CCT6A: variants seen among roughly 807,000 people sequenced by gnomAD.
CCT6A encodes the protein chaperonin containing TCP1 subunit 6A.
A neutral mutation model predicts 58.6 loss-of-function variants in CCT6A; 6 were observed. The observed-to-expected ratio is 0.10, with a 90% CI of 0.06 to 0.20. The LOEUF (loss-of-function observed/expected upper bound fraction) is 0.20, where lower values mean the gene tolerates loss of function less well. CCT6A is among the 10% of genes least tolerant of loss of function. The probability of loss-of-function intolerance (pLI) is 1.00; values close to 1 mark genes in which losing one functional copy is unlikely to be tolerated. For missense variants in CCT6A, 516 were observed against 648.8 expected (o/e 0.80, Z 2.22); for synonymous variants, 245 against 227.8 (o/e 1.08, Z -0.68).
intron 3 of CCT6A, chr7:56,055,270 A>G: frequency 3.6e-6 from 1 of 278,774 alleles, no homozygotes; most frequent in South Asian, 4.7e-5. Context: ...GCGAAACTCC[A>G]TCTCAAAAAA....
chr7:56,055,482 AT>A, intron 3 of CCT6A, 141 bp from the exon 4 acceptor site: 1 of 744,572 alleles, frequency 1.3e-6, no homozygotes, highest in Non-Finnish European at 2.3e-6. Context: ...TTTTAAATGT[AT>A]TCAGAAAGCC....
rs751056969 is a variant in CCT6A at position 56,060,907 on chromosome 7, A to C, written c.1314A>C (p.Gln438His). ...SVKGRAQLGV[Q>H]AFADALLIIP... is the part of the protein sequence containing the mutation. ...AGGGCAGGGCACAGCTTGGAGTCCA[A>C]GCATTTGCTGATGCATTGCTCATTA... The change falls in exon 11 of 14, where the codon CAA becomes CAC. Residue 438 changes from glutamine (Q) to histidine (H), a missense_variant. Coordinates refer to ENST00000275603, the MANE Select transcript of CCT6A (RefSeq NM_001762.4). 1 of 1,612,690 alleles carries C rather than the reference A, an allele frequency of 6.2e-7. No individual in the cohort carries two copies. The highest frequency in any genetic ancestry group is 1.1e-5 in the South Asian group (1 of 90,574).
chr7:56,053,715 G>A (rs1012059814), intron 2 of CCT6A, among the ~76,000 whole-genome samples: 2 of 152,158 alleles, frequency 1.3e-5, no homozygotes, highest in African/African-American at 4.8e-5. Context: ...CCAAGATTGT[G>A]CCACTGCATT....
chr7:56,055,565 A>G (rs1430308577), intron 3 of CCT6A, 59 bp from the exon 4 acceptor site: 3 of 1,400,472 alleles, frequency 2.1e-6, no homozygotes, highest in African/African-American at 1.4e-5. Flanking sequence ...CCTGAACTTT[A>G]TCATGAACTA....
At position 56,055,700 on chromosome 7, in the gene CCT6A, A is replaced by G. The variant is rs1484407971; in HGVS notation, c.413A>G (p.Lys138Arg). 2 of 1,613,774 alleles carry G rather than the reference A, an allele frequency of 1.2e-6. No individual in the cohort carries two copies. The highest frequency in any genetic ancestry group is 2.7e-5 in the African/African-American group (2 of 75,048). ...GCCCTTCAGTTTTTGGAAGAAGTCA[A>G]AGTAAGCAGAGAGATGGACAGGGAA... is the stretch of plus-strand genomic sequence containing the variant. Reference protein sequence around the residue: ...EKALQFLEEVKVSREMDRETL... With the variant: ...EKALQFLEEVRVSREMDRETL... The change falls in exon 4 of 14, where the codon AAA becomes AGA. Residue 138 changes from lysine (K) to arginine (R), a missense_variant. Physicochemically the swap from Lys to Arg is conservative, Grantham distance 26 (BLOSUM62 2). Coordinates refer to ENST00000275603, the MANE Select transcript of CCT6A (RefSeq NM_001762.4).
chr7:56,060,925 G>A lies in CCT6A; in HGVS notation c.1332G>A (p.Leu444=). 6.2e-7 allele frequency: 1 copy of A among 1,610,622 alleles called. No homozygotes were observed. ...QLGVQAFADA[L]LIIPKVLAQN... ...GAGTCCAAGCATTTGCTGATGCATTGCTCATTATTCCCAAGGTGTGCATGC... is the reference window on the plus strand; with the variant it reads ...GAGTCCAAGCATTTGCTGATGCATTACTCATTATTCCCAAGGTGTGCATGC... Residue 444 remains leucine (L), a synonymous_variant, in exon 11 of 14, where the codon TTG becomes TTA. Transcript: ENST00000275603.
In CCT6A at chr7:56,055,757, G is replaced by C; in HGVS notation, c.470G>C (p.Arg157Pro). 1 of 1,613,744 alleles carries C rather than the reference G, an allele frequency of 6.2e-7. No individual in the cohort carries two copies. The highest frequency in any genetic ancestry group is 8.5e-7 in the Non-Finnish European group (1 of 1,179,730). ...ATAGATGTGGCCAGAACATCTCTTC[G>C]TACTAAAGTTCATGCTGAACTTGCA... ...TLIDVARTSL[R>P]TKVHAELADV... is the part of the protein sequence containing the mutation. The change falls in exon 4 of 14, where the codon CGT becomes CCT. Residue 157 changes from arginine (R) to proline (P), a missense_variant. By Grantham distance (103) the Arg-to-Pro change is moderately radical. Coordinates refer to ENST00000275603, the MANE Select transcript of CCT6A (RefSeq NM_001762.4).
chr7:56,060,566 T>C (rs759987071), intron 10 of CCT6A, 150 bp downstream of exon 10: 2 of 960,014 alleles, frequency 2.1e-6, no homozygotes, highest in Non-Finnish European at 3.4e-6. Flanking sequence ...ATGCTAAGGT[T>C]TTTCATAGCA....
chr7:56,053,626 C>G (rs138748600), intron 2 of CCT6A, among the ~76,000 whole-genome samples: 1 of 152,044 alleles, frequency 6.6e-6, no homozygotes, highest in Non-Finnish European at 1.5e-5. Context: ...TGGTCCTGCA[C>G]GCCTGTAGTC....
chr7:56,056,650 A>C (rs1794312824), intron 5 of CCT6A, among the ~76,000 whole-genome samples: 1 of 151,590 alleles, frequency 6.6e-6, no homozygotes, highest in South Asian at 2.1e-4. Flanking sequence ...TGAACCTGGG[A>C]GGCGGAGGTT....
rs1207042559 is a variant in CCT6A, at chr7:56,063,368, T to TA, written c.*284dup. On this transcript the variant is annotated 3_prime_UTR_variant, in exon 14 of 14. Transcript: ENST00000275603. Reference sequence around the variant, plus strand: ...AATTCCATGTTAGATAAGCATATGTTACTTACCTTGTTATTAAATATTTCT... The same window carrying TA: ...AATTCCATGTTAGATAAGCATATGTTAACTTACCTTGTTATTAAATATTTCT... 1 of 377,654 alleles carries TA rather than the reference T, an allele frequency of 2.6e-6. No individual in the cohort carries two copies. Among genetic ancestry groups the TA allele is most frequent in the Non-Finnish European group, 4.8e-6 (1 of 209,630 alleles). 23.4% of individuals were successfully genotyped at this position (377,654 alleles called of 1,614,324 possible).
rs1283153822 is a variant in CCT6A, at chr7:56,052,436, C to T, written c.152C>T (p.Ala51Val). ...KGTMKMLVSG[A>V]GDIKLTKDGN... ...CCTTTAAACAGGCTCGTTTCTGGCGCTGGAGACATCAAACTTACTAAAGAC... is the reference window on the plus strand; with the variant it reads ...CCTTTAAACAGGCTCGTTTCTGGCGTTGGAGACATCAAACTTACTAAAGAC... The change falls in exon 2 of 14, where the codon GCT (alanine) becomes GTT (valine). Residue 51 changes from alanine (A) to valine (V), a missense_variant. This residue lies in a region of CCT6A where 116 missense variants were observed against 184.5 expected (regional missense o/e 0.63). Coordinates refer to ENST00000275603, the MANE Select transcript of CCT6A (RefSeq NM_001762.4). 11 of 1,613,986 alleles carry T rather than the reference C, an allele frequency of 6.8e-6. No homozygotes were observed. Among genetic ancestry groups the T allele is most frequent in the Non-Finnish European group, 9.3e-6 (11 of 1,179,840 alleles).
At chr7:56,052,876 C>T (rs1794197531) in intron 2 of CCT6A, among the ~76,000 whole-genome samples, 1 of 151,910 alleles carries the variant, frequency 6.6e-6, no homozygotes, top group Non-Finnish European at 1.5e-5. Context: ...TCACTGCAAC[C>T]TCTCCCTCCC....
At chr7:56,053,950 CT>C (rs375564184) in intron 2 of CCT6A, among the ~76,000 whole-genome samples, 28 of 152,330 alleles carry the variant, frequency 1.8e-4, no homozygotes, top group African/African-American at 6.7e-4. Flanking sequence ...CTCCAGAAGT[CT>C]GTTTTTCAGT....
At position 56,063,550 on chromosome 7, in the gene CCT6A, G is replaced by GT; in HGVS notation, c.*466dup. 1 of 172,866 alleles carries GT rather than the reference G, an allele frequency of 5.8e-6. No individual in the cohort carries two copies. Among genetic ancestry groups the GT allele is most frequent in the Non-Finnish European group, 1.2e-5 (1 of 80,540 alleles). The allele number at this position is 172,866 out of a possible 1,614,324, so 10.7% of individuals were successfully genotyped here. A position where few individuals can be genotyped will look rare whatever the true frequency, so the allele number is the denominator to read the frequency against. On this transcript the variant is annotated 3_prime_UTR_variant, in exon 14 of 14. Transcript: ENST00000275603. The stretch of plus-strand genomic sequence containing the variant: ...CATCCCTGTTGGTATAAATTTCTGA[G>GT]TAAATGCATTGGATCAGTTGGACTT...
chr7:56,057,969 A>G lies in CCT6A; in HGVS notation c.615-24A>G, dbSNP rs1199699550. ...AATACCCATCTGAAAATCAATAACC[A>G]TAATTTTGTGTGTGTTTAAACAGCT... On this transcript the variant is annotated intron_variant, in intron 5 of 13. Transcript: ENST00000275603. 7.1e-6 allele frequency: 9 copies of G among 1,263,648 alleles called. No individual in the cohort carries two copies. In the East Asian group the frequency reaches 1.4e-4, roughly 20 times the overall value. The allele number at this position is 1,263,648 out of a possible 1,614,324, so 78.3% of individuals were successfully genotyped here.
At chr7:56,053,017 C>T (rs192415254) in intron 2 of CCT6A, among the ~76,000 whole-genome samples, 2 of 152,238 alleles carry the variant, frequency 1.3e-5, no homozygotes, top group South Asian at 2.1e-4. Flanking sequence ...TGGTCTTGAA[C>T]GCCTGACTTC....
chr7:56,059,822 G>T, intron 9 of CCT6A, 182 bp downstream of exon 9: 1 of 537,914 alleles, frequency 1.9e-6, no homozygotes, highest in South Asian at 2.4e-5. Flanking sequence ...CTGAGCAGGT[G>T]GGACCACAGA....
At position 56,054,377 on chromosome 7, in the gene CCT6A, A is replaced by G; in HGVS notation, c.210A>G (p.Gln70=). The G allele has an allele frequency of 6.2e-7, 1 of 1,605,242 alleles. No homozygotes were observed. Among genetic ancestry groups the G allele is most frequent in the African/African-American group, 1.3e-5 (1 of 74,904 alleles). Residue 70 remains glutamine, a synonymous_variant, in exon 3 of 14, where the codon CAA becomes CAG. Transcript: ENST00000275603. ...GNVLLHEMQI[Q]HPTASLIAKV... is the part of the protein sequence containing the mutation. ...TCTTTTTCTACTTACAGCAAATTCAACACCCAACAGCTTCCTTAATAGCAA... is the reference window on the plus strand; with the variant it reads ...TCTTTTTCTACTTACAGCAAATTCAGCACCCAACAGCTTCCTTAATAGCAA...
Sources: gnomAD v4.1 joint callset for allele counts (sites outside exome capture counted in the v4.1 genomes callset) on GRCh38, gnomAD v4.1.1 for gene constraint, gnomAD v4.1.1 regional missense constraint, MANE v1.5 for transcripts, NCBI Gene and HGNC (gene_info 2026-07-23, HGNC 2026-07-21) for gene names.